Variants in FSTL5 observed in about 807,000 individuals in gnomAD.
FSTL5 encodes the protein follistatin like 5.
In FSTL5, 62 loss-of-function variants were observed where a neutral mutation model predicts 89.1. That is an observed-to-expected ratio of 0.70 (90% CI 0.57 to 0.86). FSTL5 has a LOEUF of 0.86. FSTL5 is among the 40% of genes least tolerant of loss of function. FSTL5 has a pLI of 0.00. For synonymous variants in FSTL5, 383 were observed against 346.2 expected (o/e 1.11, Z -1.18); for missense variants, 1,057 against 1,001.6 (o/e 1.06, Z -0.75).
intron 6 of FSTL5, among the ~76,000 whole-genome samples, chr4:161,756,166 C>A (rs1244428246): frequency 6.6e-6 from 1 of 151,884 alleles, no homozygotes; most frequent in Non-Finnish European, 1.5e-5. Flanking sequence ...CCCGTAATTG[C>A]AGCATTACTT....
At chr4:162,033,390 A>G (rs1160413059) in intron 3 of FSTL5, among the ~76,000 whole-genome samples, 1 of 152,116 alleles carries the variant, frequency 6.6e-6, no homozygotes, top group African/African-American at 2.4e-5. Context: ...AACAATAACA[A>G]CAAAAAAGTT....
At chr4:161,784,003 T>G (rs1233959636) in intron 4 of FSTL5, among the ~76,000 whole-genome samples, 1 of 151,510 alleles carries the variant, frequency 6.6e-6, no homozygotes, top group Non-Finnish European at 1.5e-5. Context: ...TGGCGTGATC[T>G]CGGCTCACTG....
intron 5 of FSTL5, among the ~76,000 whole-genome samples, chr4:161,760,995 T>C (rs1438661440): frequency 6.6e-6 from 1 of 152,200 alleles, no homozygotes; most frequent in African/African-American, 2.4e-5. Flanking sequence ...AGCAGTGATA[T>C]GTAATGTTAG....
intron 2 of FSTL5, among the ~76,000 whole-genome samples, chr4:162,109,377 A>G (rs1579034984): frequency 6.6e-6 from 1 of 152,074 alleles, no homozygotes; most frequent in South Asian, 2.1e-4. Flanking sequence ...ACACACACAC[A>G]TTCACCAAAT....
At chr4:161,490,861 G>C (rs1385901495) in intron 12 of FSTL5, among the ~76,000 whole-genome samples, 1 of 151,976 alleles carries the variant, frequency 6.6e-6, no homozygotes, top group East Asian at 1.9e-4. Flanking sequence ...ATTGGACAAA[G>C]AATTGTTATA....
intron 4 of FSTL5, among the ~76,000 whole-genome samples, chr4:161,786,702 A>G (rs1741917199): frequency 6.6e-6 from 1 of 152,128 alleles, no homozygotes; most frequent in South Asian, 2.1e-4. Flanking sequence ...TCAGCTAGAC[A>G]TGTATCTACC....
At chr4:161,578,764 A>G (rs979755977) in intron 8 of FSTL5, among the ~76,000 whole-genome samples, 3 of 152,122 alleles carry the variant, frequency 2.0e-5, no homozygotes, top group African/African-American at 7.2e-5. Context: ...CTAGAAATAC[A>G]GCAGATGTCC....
At chr4:161,590,910 T>C (rs909194216) in intron 7 of FSTL5, among the ~76,000 whole-genome samples, 1 of 152,204 alleles carries the variant, frequency 6.6e-6, no homozygotes, top group East Asian at 1.9e-4. Flanking sequence ...ACTGAAAACA[T>C]GTCTAATACT....
chr4:161,393,600 C>T (rs1038252539), intron 15 of FSTL5, among the ~76,000 whole-genome samples: 2 of 151,850 alleles, frequency 1.3e-5, no homozygotes, highest in African/African-American at 2.4e-5. Flanking sequence ...GGTCTAGATG[C>T]CAGAAGGAAA....
At chr4:161,561,974 A>C (rs535995636) in intron 8 of FSTL5, among the ~76,000 whole-genome samples, 1 of 151,962 alleles carries the variant, frequency 6.6e-6, no homozygotes, top group Non-Finnish European at 1.5e-5. Context: ...AGCTTTGCCA[A>C]TTCCTGGGCA....
In FSTL5 at chr4:161,990,110, G is replaced by A. The variant is rs1292950590; in HGVS notation, c.160+43515C>T. On this transcript the variant is annotated intron_variant, in intron 3 of 15. Coordinates refer to ENST00000306100, the MANE Select transcript of FSTL5 (RefSeq NM_020116.5). ...AAATGTAAATTTAAACACTCAACAA[G>A]ATCAAATTGAGGTACTACACAGTTA... Among the ~76,000 whole-genome samples, 4 of 152,062 alleles carry A rather than the reference G, an allele frequency of 2.6e-5. No homozygotes were observed. The East Asian group carries it at 7.7e-4, about 29-fold the overall frequency.
chr4:161,592,843 G>A (rs1302732016), intron 7 of FSTL5, among the ~76,000 whole-genome samples: 1 of 152,074 alleles, frequency 6.6e-6, no homozygotes, highest in Non-Finnish European at 1.5e-5. Context: ...TTGAGGAATC[G>A]CCACACTGTC....
chr4:161,461,229 G>A (rs1257043463), intron 13 of FSTL5, among the ~76,000 whole-genome samples: 5 of 150,442 alleles, frequency 3.3e-5, no homozygotes, highest in Admixed American at 3.3e-4. Flanking sequence ...GGCTGAGGCA[G>A]GCGGATCAGG....
intron 6 of FSTL5, among the ~76,000 whole-genome samples, chr4:161,719,316 C>T (rs1739110229): frequency 6.6e-6 from 1 of 152,024 alleles, no homozygotes; most frequent in Non-Finnish European, 1.5e-5. Context: ...TGGGTTTATT[C>T]CAAGACTATA....
chr4:161,984,185 T>C (rs1472651055), intron 3 of FSTL5, among the ~76,000 whole-genome samples: 2 of 152,070 alleles, frequency 1.3e-5, no homozygotes, highest in African/African-American at 4.8e-5. Flanking sequence ...ATTTGAAATA[T>C]GGGTTTCTCT....
At chr4:161,489,959 G>A (rs1729807169) in intron 12 of FSTL5, among the ~76,000 whole-genome samples, 1 of 151,864 alleles carries the variant, frequency 6.6e-6, no homozygotes, top group South Asian at 2.1e-4. Flanking sequence ...ATTCATTTTC[G>A]CAGCCTGATT....
intron 6 of FSTL5, among the ~76,000 whole-genome samples, chr4:161,718,842 C>G (rs1739095259): frequency 6.6e-6 from 1 of 152,148 alleles, no homozygotes; most frequent in Non-Finnish European, 1.5e-5. Flanking sequence ...AGCAACTATA[C>G]TGAACAAACC....
chr4:161,461,088 A>T (rs6536595), intron 13 of FSTL5, among the ~76,000 whole-genome samples: 2 of 151,520 alleles, frequency 1.3e-5, no homozygotes. Context: ...TCTTATTTCC[A>T]GTTTCCAGTG....
At chr4:161,594,472 G>A (rs952834637) in intron 7 of FSTL5, among the ~76,000 whole-genome samples, 1 of 151,944 alleles carries the variant, frequency 6.6e-6, no homozygotes, top group Non-Finnish European at 1.5e-5. Context: ...ACCCAATGAT[G>A]TAAAAATTAT....
Sources: allele counts gnomAD v4.1 joint callset (sites outside exome capture counted in the v4.1 genomes callset), GRCh38; gene constraint gnomAD v4.1.1; transcripts MANE v1.5; gene names NCBI Gene and HGNC (gene_info 2026-07-23, HGNC 2026-07-21).